The following MMP2 variants were observed in gnomAD, a reference collection of about 807,000 sequenced individuals.
MMP2 encodes 72 kDa type IV collagenase.
In MMP2, 39 loss-of-function variants were observed where a neutral mutation model predicts 74.8. The observed-to-expected ratio is 0.52, with a 90% CI of 0.40 to 0.68. MMP2 has a LOEUF of 0.68. Among genes scored for constraint, MMP2 ranks in the 30% least tolerant of loss-of-function variants. The probability of loss-of-function intolerance (pLI) is 0.00; values close to 1 mark genes in which losing one functional copy is unlikely to be tolerated. For synonymous variants in MMP2, 367 were observed against 339.8 expected (o/e 1.08, Z -0.88); for missense variants, 803 against 878.3 (o/e 0.91, Z 1.08).
In MMP2 at chr16:55,482,931, G is replaced by A. The variant is rs755351265; in HGVS notation, c.176G>A (p.Gly59Asp). 2 of 1,614,188 alleles carry A rather than the reference G, an allele frequency of 1.2e-6. No homozygotes were observed. Among genetic ancestry groups the A allele is most frequent in the Non-Finnish European group, 1.7e-6 (2 of 1,180,024 alleles). ...CAGCAATACCTGAACACCTTCTATG[G>A]CTGCCCCAAGGAGAGCTGCAACCTG... is the stretch of plus-strand genomic sequence containing the variant. Reference protein sequence around the residue: ...LAVQYLNTFYGCPKESCNLFV... With the variant: ...LAVQYLNTFYDCPKESCNLFV... Residue 59 changes from glycine to aspartate, a missense_variant, in exon 2 of 13, where the codon GGC becomes GAC. Around this residue, in one of 3 missense-constraint regions of MMP2, gnomAD observed 223 missense variants for 232.8 expected, o/e 0.96. Coordinates refer to ENST00000219070, the MANE Select transcript of MMP2 (RefSeq NM_004530.6).
intron 6 of MMP2, among the ~76,000 whole-genome samples, chr16:55,489,114 G>T (rs1398917218): frequency 6.6e-6 from 1 of 152,044 alleles, no homozygotes; most frequent in African/African-American, 2.4e-5. Flanking sequence ...TTTATTAAGA[G>T]CTCCGTGCTT....
At chr16:55,493,813 G>A (rs2142362044) in intron 9 of MMP2, among the ~76,000 whole-genome samples, 1 of 152,278 alleles carries the variant, frequency 6.6e-6, no homozygotes, top group Admixed American at 6.5e-5. Flanking sequence ...GTCTACCACA[G>A]GCCTTCTAGA....
rs559784257 is a variant in MMP2, at chr16:55,502,723, G to A, written c.1770-56G>A. 14 of 1,503,916 alleles carry A rather than the reference G, an allele frequency of 9.3e-6. No individual in the cohort carries two copies. In the African/African-American group the frequency reaches 1.1e-4, roughly 12 times the overall value. The allele number at this position is 1,503,916 out of a possible 1,614,324, so 93.2% of individuals were successfully genotyped here. On this transcript the variant is annotated intron_variant, in intron 11 of 12. Transcript: ENST00000219070. ...AGCTGGGTGCTCCCATCCAGGCCAG[G>A]GGGGAAGTGTCCTTTAGAGAGGCCC...
rs1962416590 is a variant in MMP2, at chr16:55,491,925, G to A, written c.1305G>A (p.Gln435=). 4 of 1,613,898 alleles carry A rather than the reference G, an allele frequency of 2.5e-6. No individual in the cohort carries two copies. In the Admixed American group the frequency reaches 5.0e-5, roughly 20 times the overall value. The part of the protein sequence containing the change: ...YTYTKNFRLS[Q]DDIKGIQELY... ...ACACCAAGAACTTCCGTCTGTCCCAGGATGACATCAAGGGCATTCAGGAGC... is the reference window on the plus strand; with the variant it reads ...ACACCAAGAACTTCCGTCTGTCCCAAGATGACATCAAGGGCATTCAGGAGC... The change falls in exon 8 of 13, where the codon CAG becomes CAA. Residue 435 remains glutamine (Q), a synonymous_variant. Coordinates refer to ENST00000219070, the MANE Select transcript of MMP2 (RefSeq NM_004530.6).
intron 10 of MMP2, 27 bp from the exon 11 acceptor site, chr16:55,498,262 C>G (rs769443025): frequency 6.2e-7 from 1 of 1,613,278 alleles, no homozygotes; most frequent in Admixed American, 1.7e-5. Flanking sequence ...TCAGCACCAG[C>G]CAACACACCC....
chr16:55,484,758 G>A (rs926308281), intron 3 of MMP2, among the ~76,000 whole-genome samples: 5 of 152,208 alleles, frequency 3.3e-5, no homozygotes, highest in Non-Finnish European at 7.3e-5. Flanking sequence ...CAGTAGCACA[G>A]ACATAAAGGT....
chr16:55,492,635 C>T (rs552258705), intron 8 of MMP2, among the ~76,000 whole-genome samples: 50 of 152,064 alleles, frequency 3.3e-4, no homozygotes, highest in African/African-American at 1.1e-3. Flanking sequence ...CAAGGTCTGC[C>T]GTGAGGGGTG....
chr16:55,498,159 G>A, intron 10 of MMP2, 130 bp from the exon 11 acceptor site: 1 of 1,193,198 alleles, frequency 8.4e-7, no homozygotes, highest in Non-Finnish European at 1.2e-6. Flanking sequence ...ACTGCAACCA[G>A]GAGTGAGCAG....
intron 10 of MMP2, among the ~76,000 whole-genome samples, chr16:55,497,668 A>G (rs964681906): frequency 6.6e-6 from 1 of 152,254 alleles, no homozygotes; most frequent in Admixed American, 6.5e-5. Flanking sequence ...GGTAGAAATC[A>G]TCAAGGTGAG....
chr16:55,499,365 A>C (rs1274436668), intron 11 of MMP2, among the ~76,000 whole-genome samples: 1 of 152,120 alleles, frequency 6.6e-6, no homozygotes, highest in Admixed American at 6.5e-5. Context: ...GGCAGTGGAC[A>C]AAATATGAAG....
At chr16:55,479,732 C>A in intron 1 of MMP2, 100 bp downstream of exon 1, 3 of 1,505,472 alleles carry the variant, frequency 2.0e-6, no homozygotes, top group Non-Finnish European at 2.7e-6. Flanking sequence ...GGGCACACAG[C>A]GTGGGGGAGG....
At position 55,505,575 on chromosome 16, in the gene MMP2, A is replaced by G; in HGVS notation, c.*133A>G. 4.0e-6 allele frequency: 3 copies of G among 754,298 alleles called. No homozygotes were observed. The highest frequency in any genetic ancestry group is 7.0e-6 in the Non-Finnish European group (3 of 425,854). 46.7% of individuals were successfully genotyped at this position (754,298 alleles called of 1,614,324 possible). A position where few individuals can be genotyped will look rare whatever the true frequency, so the allele number is the denominator to read the frequency against. ...ACAGCTAATCAGCATTCTCACTCCT[A>G]CCTGGTAATTTAAGATTCCAGAGAG... is the stretch of plus-strand genomic sequence containing the variant. On this transcript the variant is annotated 3_prime_UTR_variant, in exon 13 of 13. Coordinates refer to ENST00000219070, the MANE Select transcript of MMP2 (RefSeq NM_004530.6).
chr16:55,483,710 A>G (rs1283657737), intron 2 of MMP2, among the ~76,000 whole-genome samples: 1 of 152,134 alleles, frequency 6.6e-6, no homozygotes, highest in Non-Finnish European at 1.5e-5. Flanking sequence ...GAAGTGACAG[A>G]TGGAACTCCT....
Position 55,488,687 on chromosome 16 carries a change from A to T in MMP2, c.977A>T (p.Asp326Val), listed in dbSNP as rs746936302. 1 of 1,610,362 alleles carries T rather than the reference A, an allele frequency of 6.2e-7. No homozygotes were observed. The highest frequency in any genetic ancestry group is 1.7e-5 in the Admixed American group (1 of 59,734). ...WCGTTEDYDR[D>V]KKYGFCPETA... ...GGCACCACTGAGGACTACGACCGCG[A>T]CAAGAAGTATGGCTTCTGCCCTGAG... The change falls in exon 6 of 13, where the codon GAC becomes GTC. Residue 326 changes from aspartate (D) to valine (V), a missense_variant. This residue lies in a region of MMP2 where 555 missense variants were observed against 592.0 expected (regional missense o/e 0.94). Transcript: ENST00000219070.
At chr16:55,483,410 G>A (rs143185377) in intron 2 of MMP2, among the ~76,000 whole-genome samples, 1 of 152,366 alleles carries the variant, frequency 6.6e-6, no homozygotes, top group South Asian at 2.1e-4. Flanking sequence ...TATATGGTAT[G>A]TTGGGGAACT....
Position 55,492,954 on chromosome 16 carries a change from T to A in MMP2, c.1337-204T>A, listed in dbSNP as rs574270716. On this transcript the variant is annotated intron_variant, in intron 8 of 12. Coordinates refer to ENST00000219070, the MANE Select transcript of MMP2 (RefSeq NM_004530.6). ...ATAGAGAGGACTGATTTGGGTGATG[T>A]CAGTAAAAAGCATATATAAAGTACA... Among the ~76,000 whole-genome samples, 14 of 152,250 alleles carry A rather than the reference T, an allele frequency of 9.2e-5. No individual in the cohort carries two copies. The East Asian group carries it at 2.7e-3, about 29-fold the overall frequency.
chr16:55,496,999 C>G lies in MMP2; in HGVS notation c.1546C>G (p.Leu516Val). The part of the protein sequence containing the change: ...PLLVATFWPE[L>V]PEKIDAVYEA... ...GCTGGTGGCCACATTCTGGCCTGAG[C>G]TCCCGGAAAAGATTGATGCGGTATA... Residue 516 changes from leucine to valine, a missense_variant, in exon 10 of 13, where the codon CTC becomes GTC. Leu to Val is a conservative substitution (Grantham distance 32). Coordinates refer to ENST00000219070, the MANE Select transcript of MMP2 (RefSeq NM_004530.6). 6.2e-7 allele frequency: 1 copy of G among 1,614,196 alleles called. No homozygotes were observed. Among genetic ancestry groups the G allele is most frequent in the Non-Finnish European group, 8.5e-7 (1 of 1,180,048 alleles).
intron 5 of MMP2, 51 bp from the exon 6 acceptor site, chr16:55,488,492 C>T (rs1337071616): frequency 6.3e-7 from 1 of 1,582,038 alleles, no homozygotes; most frequent in South Asian, 1.1e-5. Context: ...CAGCCCTGTG[C>T]CCATGGAAGC....
rs754930456 is a variant in MMP2, at chr16:55,502,912, G to A, written c.1879+24G>A. The A allele has an allele frequency of 1.7e-5, 27 of 1,585,080 alleles. No homozygotes were observed. In the Admixed American group the frequency reaches 2.3e-4, roughly 14 times the overall value. ...CGGTGAGCCACCCAGGACTGTCTCCGCTTTCTAGGACTCCCCGCCCCTAGC... is the reference window on the plus strand; with the variant it reads ...CGGTGAGCCACCCAGGACTGTCTCCACTTTCTAGGACTCCCCGCCCCTAGC... On this transcript the variant is annotated intron_variant, in intron 12 of 12. Coordinates refer to ENST00000219070, the MANE Select transcript of MMP2 (RefSeq NM_004530.6).
Sources: gnomAD v4.1 joint callset for allele counts (sites outside exome capture counted in the v4.1 genomes callset) on GRCh38, gnomAD v4.1.1 for gene constraint, gnomAD v4.1.1 regional missense constraint, MANE v1.5 for transcripts, NCBI Gene and HGNC (gene_info 2026-07-23, HGNC 2026-07-21) for gene names.